The following MRPL35 variants were observed in gnomAD, a reference collection of about 807,000 sequenced individuals.
The protein encoded by MRPL35 is large ribosomal subunit protein bL35m.
In MRPL35, 18 loss-of-function variants were observed where a neutral mutation model predicts 21.6. The observed-to-expected ratio is 0.83, with a 90% confidence interval of 0.58 to 1.24. MRPL35 has a LOEUF of 1.24. MRPL35 is among the 50% of genes most tolerant of loss of function. The pLI is 0.00. For missense variants in MRPL35, 223 were observed against 223.2 expected, an observed-to-expected ratio of 1.00 and a Z score of 0.01; for synonymous variants, 87 against 86.9, an observed-to-expected ratio of 1.00 and a Z score of -0.01.
At position 86,210,501 on chromosome 2, in the gene MRPL35, T is replaced by G; in HGVS notation, c.400T>G (p.Trp134Gly). The stretch of plus-strand genomic sequence containing the variant: ...ACAGGCTGGCTATAAGAAAAAATTA[T>G]GGAAAAAGACACCTGCAAGGAAGAA... ...RRKAGYKKKLWKKTPARKKRL... is the reference protein window; with the variant it reads ...RRKAGYKKKLGKKTPARKKRL... The change falls in exon 4 of 4, where the codon TGG becomes GGG. Residue 134 changes from tryptophan (W) to glycine (G), a missense_variant. Trp to Gly is a radical substitution (Grantham distance 184). Transcript: ENST00000337109. The G allele has an allele frequency of 6.2e-7, 1 of 1,606,434 alleles. No homozygotes were observed. Among genetic ancestry groups the G allele is most frequent in the Non-Finnish European group, 8.5e-7 (1 of 1,177,408 alleles).
Sources: gnomAD v4.1 joint callset for allele counts on GRCh38, gnomAD v4.1.1 for gene constraint, MANE v1.5 for transcripts, NCBI Gene and HGNC (gene_info 2026-07-23, HGNC 2026-07-21) for gene names.